EPB41L4A: variants seen among roughly 807,000 people sequenced by gnomAD.
The protein encoded by EPB41L4A is erythrocyte membrane protein band 4.1 like 4A.
EPB41L4A carries 100 observed loss-of-function variants against 108.6 expected under a neutral mutation model. That is an observed-to-expected ratio of 0.92 (90% CI 0.78 to 1.09). The LOEUF (loss-of-function observed/expected upper bound fraction) is 1.09. Among genes scored for constraint, EPB41L4A ranks in the 50% least tolerant of loss-of-function variants. EPB41L4A has a pLI of 0.00. For missense variants in EPB41L4A, 1,030 were observed against 842.7 expected, an observed-to-expected ratio of 1.22 and a Z score of -2.75; for synonymous variants, 319 against 289.0, an observed-to-expected ratio of 1.10 and a Z score of -1.05.
chr5:112,175,417 T>C (rs990698274), intron 18 of EPB41L4A: 1 of 152,230 alleles, frequency 6.6e-6, no homozygotes, highest in Admixed American at 6.5e-5. Flanking sequence ...TAACGCTTTT[T>C]AGTAGAAAAC....
chr5:112,146,970 G>T (rs1421787007), intron 12 of EPB41L4A, among the ~76,000 whole-genome samples: 1 of 152,192 alleles, frequency 6.6e-6, no homozygotes, highest in Non-Finnish European at 1.5e-5. Context: ...TAAAAACCAG[G>T]TTTAAAACAC....
intron 5 of EPB41L4A, 139 bp downstream of exon 5, chr5:112,266,094 T>C (rs1751832729): frequency 1.5e-6 from 1 of 666,922 alleles, no homozygotes; most frequent in Admixed American, 3.2e-5. Context: ...TGAACAAAAC[T>C]TGAATTCCAA....
chr5:112,322,498 G>C (rs1755847348), intron 1 of EPB41L4A, among the ~76,000 whole-genome samples: 1 of 152,134 alleles, frequency 6.6e-6, no homozygotes, highest in Non-Finnish European at 1.5e-5. Context: ...GTTCCCTAAA[G>C]TGCCCTAGCC....
At chr5:112,311,388 C>T (rs941062012) in intron 1 of EPB41L4A, among the ~76,000 whole-genome samples, 3 of 152,054 alleles carry the variant, frequency 2.0e-5, no homozygotes, top group Non-Finnish European at 4.4e-5. Flanking sequence ...AGCAAGGATT[C>T]CTAAAATAAA....
chr5:112,397,288 A>G (rs1407428392), intron 1 of EPB41L4A, among the ~76,000 whole-genome samples: 1 of 152,246 alleles, frequency 6.6e-6, no homozygotes, highest in Non-Finnish European at 1.5e-5. Context: ...TTTCTCTGAA[A>G]AGTAAAAATA....
chr5:112,352,741 C>T (rs1282257521), intron 1 of EPB41L4A, among the ~76,000 whole-genome samples: 2 of 151,954 alleles, frequency 1.3e-5, no homozygotes, highest in Non-Finnish European at 2.9e-5. Context: ...TTGTTAAATC[C>T]TTTGTATTGT....
intron 1 of EPB41L4A, among the ~76,000 whole-genome samples, chr5:112,368,552 C>G (rs1241402977): frequency 6.6e-6 from 1 of 152,152 alleles, no homozygotes; most frequent in African/African-American, 2.4e-5. Flanking sequence ...GTGTTCCAGC[C>G]TCTCTGCATC....
intron 13 of EPB41L4A, among the ~76,000 whole-genome samples, chr5:112,144,854 T>G (rs1759191426): frequency 6.6e-6 from 1 of 152,162 alleles, no homozygotes; most frequent in Non-Finnish European, 1.5e-5. Flanking sequence ...CATGCCCCAC[T>G]TGAGGTTATA....
At chr5:112,321,960 T>C (rs1339633072) in intron 1 of EPB41L4A, among the ~76,000 whole-genome samples, 5 of 152,208 alleles carry the variant, frequency 3.3e-5, no homozygotes, top group African/African-American at 4.8e-5. Context: ...GTTTAAAAGA[T>C]AAAGGGAGGC....
At position 112,387,027 on chromosome 5, in the gene EPB41L4A, GATT is replaced by G. The variant is rs199935846; in HGVS notation, c.99+31911_99+31913del. ...GCAAGTGCTGCCACCTTTGGATACT[GATT>G]TAAGGCCTCTATTGCTTCAAAGTGA... On this transcript the variant is annotated intron_variant, in intron 1 of 22. Transcript: ENST00000261486. Among the ~76,000 whole-genome samples, 1,420 of 152,256 alleles carry G rather than the reference GATT, an allele frequency of 9.3e-3. 29 individuals are homozygous for G. The highest frequency in any genetic ancestry group is 0.033 in the African/African-American group (1,351 of 41,520).
intron 3 of EPB41L4A, among the ~76,000 whole-genome samples, chr5:112,276,283 A>T (rs529721440): frequency 5.1e-4 from 78 of 152,304 alleles, no homozygotes; most frequent in African/African-American, 1.7e-3. Flanking sequence ...ACTTTTTTTT[A>T]AAATCAGAAA....
chr5:112,223,540 GAC>G (rs983378055), intron 12 of EPB41L4A, among the ~76,000 whole-genome samples: 2 of 152,100 alleles, frequency 1.3e-5, no homozygotes, highest in Non-Finnish European at 2.9e-5. Flanking sequence ...ACCGCTGACA[GAC>G]ACACCCTCCA....
chr5:112,178,003 A>C (rs1760956262), intron 18 of EPB41L4A, among the ~76,000 whole-genome samples: 1 of 152,062 alleles, frequency 6.6e-6, no homozygotes, highest in Non-Finnish European at 1.5e-5. Flanking sequence ...TAGCAGGCTA[A>C]ACACTGAACT....
At chr5:112,384,806 T>TAAAAG (rs893486014) in intron 1 of EPB41L4A, among the ~76,000 whole-genome samples, 35 of 144,054 alleles carry the variant, frequency 2.4e-4, no homozygotes, top group Admixed American at 1.0e-3. Flanking sequence ...GGAAGGAAGT[T>TAAAAG]AAAAGAAAAG....
At chr5:112,307,288 T>C in intron 2 of EPB41L4A, 98 bp downstream of exon 2, 1 of 718,612 alleles carries the variant, frequency 1.4e-6, no homozygotes, top group Non-Finnish European at 2.3e-6. Context: ...TCTTTTTCAG[T>C]GACAAAGAAC....
chr5:112,365,587 A>G (rs1759070014), intron 1 of EPB41L4A, among the ~76,000 whole-genome samples: 1 of 152,240 alleles, frequency 6.6e-6, no homozygotes, highest in African/African-American at 2.4e-5. Context: ...TTAATGTCTC[A>G]CATTACCATG....
intron 15 of EPB41L4A, among the ~76,000 whole-genome samples, chr5:112,201,548 T>C: frequency 6.6e-6 from 1 of 152,226 alleles, no homozygotes; most frequent in South Asian, 2.1e-4. Flanking sequence ...GCTCAACATG[T>C]GTAATTATTT....
chr5:112,145,489 A>C (rs1759216794), intron 13 of EPB41L4A, among the ~76,000 whole-genome samples: 1 of 152,232 alleles, frequency 6.6e-6, no homozygotes, highest in Non-Finnish European at 1.5e-5. Flanking sequence ...CTCTGCTGAC[A>C]GCCATTGTAC....
intron 12 of EPB41L4A, among the ~76,000 whole-genome samples, chr5:112,211,941 G>T (rs1030867337): frequency 2.6e-5 from 4 of 152,144 alleles, no homozygotes; most frequent in Non-Finnish European, 5.9e-5. Flanking sequence ...GCTCATGCTG[G>T]AGCCACTACC....
Sources: allele counts gnomAD v4.1 joint callset (sites outside exome capture counted in the v4.1 genomes callset), GRCh38; gene constraint gnomAD v4.1.1; transcripts MANE v1.5; gene names NCBI Gene and HGNC (gene_info 2026-07-23, HGNC 2026-07-21).